The following CAP2 variants were observed in gnomAD, a reference collection of about 807,000 sequenced individuals.
CAP2 encodes adenylyl cyclase-associated protein 2.
In CAP2, 24 loss-of-function variants were observed where a neutral mutation model predicts 57.7. The ratio of observed to expected loss-of-function variants is 0.42; its 90% CI spans 0.30 to 0.58. The LOEUF is 0.58. CAP2 is among the 20% of genes least tolerant of loss of function. CAP2 has a pLI of 0.22. For synonymous variants in CAP2, 194 were observed against 207.2 expected (o/e 0.94, Z 0.55); for missense variants, 501 against 590.3 (o/e 0.85, Z 1.57).
chr6:17,450,794 G>GA (rs1175622683), intron 3 of CAP2, among the ~76,000 whole-genome samples: 2 of 151,920 alleles, frequency 1.3e-5, no homozygotes, highest in Non-Finnish European at 2.9e-5. Flanking sequence ...TAAAATCATT[G>GA]AAAAAAATCA....
chr6:17,400,064 C>CAA (rs370527132), intron 1 of CAP2, among the ~76,000 whole-genome samples: 1,733 of 145,534 alleles, frequency 0.012, 28 homozygotes, highest in African/African-American at 0.037. Flanking sequence ...ATTAAAAATA[C>CAA]AAAAAAAAAA....
At chr6:17,536,485 A>C in intron 7 of CAP2, 1 of 292,204 alleles carries the variant, frequency 3.4e-6, no homozygotes, top group Non-Finnish European at 6.8e-6. Flanking sequence ...GAGTTCCCTT[A>C]TTTTTTGGCT....
At chr6:17,422,346 CTTTTTTTTTTTT>C (rs11320178) in intron 2 of CAP2, among the ~76,000 whole-genome samples, 2 of 90,260 alleles carry the variant, frequency 2.2e-5, no homozygotes, top group South Asian at 8.5e-4. Context: ...ACCAACTATG[CTTTTTTTTTTTT>C]TTTTTTTTTG....
Position 17,539,400 on chromosome 6 carries a change from T to G in CAP2, c.768T>G (p.Ser256=), listed in dbSNP as rs199831485. Residue 256 remains serine, a synonymous_variant, in exon 8 of 13, where the codon TCT becomes TCG. Transcript: ENST00000229922. ...LFENEGKKEE[S]SPSRSALFAQ... ...AGAATGAAGGCAAAAAAGAGGAATCTTCTCCTTCACGCTCAGCTTTATTTG... is the reference window on the plus strand; with the variant it reads ...AGAATGAAGGCAAAAAAGAGGAATCGTCTCCTTCACGCTCAGCTTTATTTG... 6.2e-7 allele frequency: 1 copy of G among 1,614,242 alleles called. No homozygotes were observed. Among genetic ancestry groups the G allele is most frequent in the Non-Finnish European group, 8.5e-7 (1 of 1,180,042 alleles).
intron 4 of CAP2, among the ~76,000 whole-genome samples, chr6:17,475,281 T>C (rs1761125215): frequency 6.6e-6 from 1 of 152,072 alleles, no homozygotes. Context: ...ACATTGTCGT[T>C]TGGTGATGCT....
At position 17,459,386 on chromosome 6, in the gene CAP2, C is replaced by A. The variant is rs1581536664; in HGVS notation, c.223-3610C>A. On this transcript the variant is annotated intron_variant, in intron 3 of 12. Coordinates refer to ENST00000229922, the MANE Select transcript of CAP2 (RefSeq NM_006366.3). ...ATTCTGGCTTGAAAGGGCAAAGAAG[C>A]TGATCTCCAATATGATGGCAAGGAA... Among the ~76,000 whole-genome samples, 4 of 152,162 alleles carry A rather than the reference C, an allele frequency of 2.6e-5. 1 individual carries two copies. The South Asian group carries it at 8.3e-4, about 32-fold the overall frequency.
At chr6:17,491,827 A>C (rs1376698179) in intron 4 of CAP2, among the ~76,000 whole-genome samples, 3 of 152,244 alleles carry the variant, frequency 2.0e-5, no homozygotes, top group Admixed American at 1.3e-4. Flanking sequence ...AATATATAGA[A>C]TACAAAGTAC....
chr6:17,400,185 C>G (rs890498596), intron 1 of CAP2, among the ~76,000 whole-genome samples: 1 of 152,160 alleles, frequency 6.6e-6, no homozygotes, highest in African/African-American at 2.4e-5. Flanking sequence ...AAGATCATGC[C>G]ACTGCATTCC....
At chr6:17,450,071 A>C (rs1760363424) in intron 3 of CAP2, among the ~76,000 whole-genome samples, 1 of 150,334 alleles carries the variant, frequency 6.7e-6, no homozygotes, top group Admixed American at 6.6e-5. Context: ...TTTTTTTTTA[A>C]GACTGGGTCT....
At chr6:17,540,447 T>TA (rs372796164) in intron 8 of CAP2, among the ~76,000 whole-genome samples, 2,825 of 134,688 alleles carry the variant, frequency 0.021, 78 homozygotes, top group African/African-American at 0.065. Context: ...TTCCTCAAAT[T>TA]AAAAAAAAAA....
chr6:17,411,316 G>T (rs1759136972), intron 1 of CAP2, among the ~76,000 whole-genome samples: 1 of 152,190 alleles, frequency 6.6e-6, no homozygotes, highest in Admixed American at 6.5e-5. Context: ...AAAATAGAGT[G>T]GAATGACTGG....
At chr6:17,491,121 C>T (rs942275203) in intron 4 of CAP2, among the ~76,000 whole-genome samples, 3 of 152,166 alleles carry the variant, frequency 2.0e-5, no homozygotes, top group African/African-American at 7.2e-5. Flanking sequence ...TGGGGTTCTT[C>T]TAGCACCCTT....
At chr6:17,437,380 GATCTGTTGTAA>G (rs1759922078) in intron 3 of CAP2, among the ~76,000 whole-genome samples, 1 of 152,038 alleles carries the variant, frequency 6.6e-6, no homozygotes, top group Non-Finnish European at 1.5e-5. Flanking sequence ...GTGCTTTTGA[GATCTGTTGTAA>G]ATTGCCTTCC....
At chr6:17,530,199 G>T (rs1167277579) in intron 7 of CAP2, among the ~76,000 whole-genome samples, 2 of 151,912 alleles carry the variant, frequency 1.3e-5, no homozygotes, top group Admixed American at 1.3e-4. Context: ...CAGCCTCCCA[G>T]CTCCCAGGTA....
At chr6:17,418,058 G>A (rs1473045856) in intron 1 of CAP2, among the ~76,000 whole-genome samples, 2 of 152,086 alleles carry the variant, frequency 1.3e-5, no homozygotes, top group Non-Finnish European at 2.9e-5. Context: ...GGACTGCCTG[G>A]GAAGAATTTG....
At chr6:17,456,960 G>A (rs553292516) in intron 3 of CAP2, among the ~76,000 whole-genome samples, 1 of 152,070 alleles carries the variant, frequency 6.6e-6, no homozygotes. Context: ...TTTCCTGAGG[G>A]GATTAGATGG....
chr6:17,556,852 C>A lies in CAP2; in HGVS notation c.*410C>A, dbSNP rs1402098074. The A allele has an allele frequency of 1.2e-5, 2 of 172,226 alleles. No homozygotes were observed. Among genetic ancestry groups the A allele is most frequent in the Non-Finnish European group, 2.5e-5 (2 of 80,278 alleles). The allele number at this position is 172,226 out of a possible 1,614,324, so 10.7% of individuals were successfully genotyped here. A position where few individuals can be genotyped will look rare whatever the true frequency, so the allele number is the denominator to read the frequency against. ...TACATTTTTACCTTTTAGGCAATTT[C>A]AATATAATGTAGAAGTAGTAGTGTG... On this transcript the variant is annotated 3_prime_UTR_variant, in exon 13 of 13. Transcript: ENST00000229922.
intron 1 of CAP2, 94 bp from the exon 2 acceptor site, chr6:17,421,461 G>C: frequency 8.2e-7 from 1 of 1,221,710 alleles, no homozygotes; most frequent in South Asian, 1.2e-5. Context: ...CAGTGATTGT[G>C]TCTTCCTCCT....
chr6:17,513,893 G>A lies in CAP2; in HGVS notation c.575G>A (p.Trp192Ter). 6.2e-7 allele frequency: 1 copy of A among 1,613,882 alleles called. No individual in the cohort carries two copies. The highest frequency in any genetic ancestry group is 8.5e-7 in the Non-Finnish European group (1 of 1,179,802). Residue 192 changes from tryptophan to a stop codon, truncating the protein, a stop_gained, in exon 7 of 13, where the codon TGG (tryptophan) becomes TAG (stop). Coordinates refer to ENST00000229922, the MANE Select transcript of CAP2 (RefSeq NM_006366.3). LOFTEE classifies it high-confidence loss of function. This position sits in a 1 kb window ranked among gnomAD's most constrained non-coding sequence, Gnocchi z 4.3. ...VDWVKSYLNI[W>*]SELQAYIKEH... ...TGGGTGAAGTCATATTTGAACATTT[G>A]GAGTGAACTTCAAGCATACATCAAG... is the stretch of plus-strand genomic sequence containing the variant.
Sources: gnomAD v4.1 joint callset for allele counts (sites outside exome capture counted in the v4.1 genomes callset) on GRCh38, gnomAD v4.1.1 for gene constraint, Gnocchi (gnomAD v3.1) non-coding constraint, MANE v1.5 for transcripts, NCBI Gene and HGNC (gene_info 2026-07-23, HGNC 2026-07-21) for gene names.